ATM: variants seen among roughly 807,000 people sequenced by gnomAD.
ATM encodes the protein serine-protein kinase ATM.
A neutral mutation model predicts 387.0 loss-of-function variants in ATM; 308 were observed. That is an observed-to-expected ratio of 0.80 (90% CI 0.73 to 0.87). The LOEUF (loss-of-function observed/expected upper bound fraction) is 0.87, where lower values mean the gene tolerates loss of function less well. Among genes scored for constraint, ATM ranks in the 40% least tolerant of loss-of-function variants. The pLI, the probability that ATM is intolerant of heterozygous loss-of-function variation, is 0.00. For missense variants in ATM, 3,312 were observed against 3,560.9 expected (o/e 0.93, Z 1.78); for synonymous variants, 1,156 against 1,187.3 (o/e 0.97, Z 0.54).
chr11:108,360,614 C>T (rs1453377606), intron 61 of ATM, among the ~76,000 whole-genome samples: 1 of 149,860 alleles, frequency 6.7e-6, no homozygotes, highest in African/African-American at 2.5e-5. Flanking sequence ...CAGTGGGCTT[C>T]ATCCCTGGGA....
At chr11:108,346,313 A>C (rs2088386541) in intron 58 of ATM, among the ~76,000 whole-genome samples, 1 of 152,040 alleles carries the variant, frequency 6.6e-6, no homozygotes. Flanking sequence ...TCACCTAGTG[A>C]TTAATACTTT....
Position 108,250,883 on chromosome 11 carries a change from A to C in ATM, c.1418A>C (p.Glu473Ala). 6.2e-7 allele frequency: 1 copy of C among 1,614,164 alleles called. No individual in the cohort carries two copies. Among genetic ancestry groups the C allele is most frequent in the East Asian group, 2.2e-5 (1 of 44,884 alleles). Reference sequence around the variant, plus strand: ...TGTCAAGACAAGAGGTCAAACCTAGAAAGCTCACAAAAGTCAGATTTATTA... The same window carrying C: ...TGTCAAGACAAGAGGTCAAACCTAGCAAGCTCACAAAAGTCAGATTTATTA... ...ALCQDKRSNL[E>A]SSQKSDLLKL... The change falls in exon 10 of 63, where the codon GAA becomes GCA. Residue 473 changes from glutamate to alanine, a missense_variant. Physicochemically the swap from Glu to Ala is moderately radical, Grantham distance 107. Transcript: ENST00000675843.
chr11:108,237,133 T>C (rs1156398014), intron 5 of ATM, among the ~76,000 whole-genome samples: 2 of 152,220 alleles, frequency 1.3e-5, no homozygotes, highest in East Asian at 3.8e-4. Context: ...CATTACACTC[T>C]ACTGTTCCCC....
Position 108,279,541 on chromosome 11 carries a change from C to T in ATM, c.3335C>T (p.Pro1112Leu), listed in dbSNP as rs1064795850. ...TCTTCCAGGTTACTGAAAGCACTTCCTTTGAAGCTTCAGCAAACAGCTTTT... is the reference window on the plus strand; with the variant it reads ...TCTTCCAGGTTACTGAAAGCACTTCTTTTGAAGCTTCAGCAAACAGCTTTT... ...GDSSRLLKAL[P>L]LKLQQTAFEN... Residue 1112 changes from proline to leucine, a missense_variant, in exon 23 of 63, where the codon CCT (proline) becomes CTT (leucine). Pro to Leu is a moderately conservative substitution (Grantham distance 98). Transcript: ENST00000675843. 1 of 1,613,772 alleles carries T rather than the reference C, an allele frequency of 6.2e-7. No homozygotes were observed. Among genetic ancestry groups the T allele is most frequent in the Non-Finnish European group, 8.5e-7 (1 of 1,179,838 alleles).
rs140882609 is a variant in ATM, at chr11:108,252,869, A to C, written c.1855A>C (p.Asn619His). The C allele has an allele frequency of 4.0e-5, 65 of 1,613,008 alleles. No homozygotes were observed. Among genetic ancestry groups the C allele is most frequent in the Non-Finnish European group, 5.3e-5 (63 of 1,179,436 alleles). Residue 619 changes from asparagine to histidine, a missense_variant, in exon 12 of 63, where the codon AAC (asparagine) becomes CAC (histidine). Physicochemically the swap from Asn to His is moderately conservative, Grantham distance 68. Transcript: ENST00000675843. ...EKILVSLTMKNCKAAMNFFQS... is the reference protein window; with the variant it reads ...EKILVSLTMKHCKAAMNFFQS... The stretch of plus-strand genomic sequence containing the variant: ...AATTCTTGTGAGTCTCACTATGAAA[A>C]ACTGTAAAGCTGCAATGAATTTTTT...
In ATM at chr11:108,251,986, A is replaced by T. The variant is rs587781907; in HGVS notation, c.1757A>T (p.Glu586Val). The T allele has an allele frequency of 1.2e-6, 2 of 1,613,566 alleles. No homozygotes were observed. Among genetic ancestry groups the T allele is most frequent in the Admixed American group, 1.7e-5 (1 of 60,016 alleles). ...AAATGGCTCTTATTCTATCAGTTAG[A>T]GGGTGACTTAGAAAATAGCACAGAA... is the stretch of plus-strand genomic sequence containing the variant. ...IMKWLLFYQL[E>V]GDLENSTEVP... The change falls in exon 11 of 63, where the codon GAG (glutamate) becomes GTG (valine). Residue 586 changes from glutamate to valine, a missense_variant. Glu to Val is a moderately radical substitution (Grantham distance 121, BLOSUM62 -2). Coordinates refer to ENST00000675843, the MANE Select transcript of ATM (RefSeq NM_000051.4).
intron 42 of ATM, 92 bp downstream of exon 42, chr11:108,316,205 C>A: frequency 1.7e-6 from 2 of 1,180,934 alleles, no homozygotes; most frequent in Non-Finnish European, 2.5e-6. Flanking sequence ...GCCAGATAAA[C>A]TCTAGAGATA....
At chr11:108,253,632 A>G (rs1208110121) in intron 12 of ATM, among the ~76,000 whole-genome samples, 182 bp from the exon 13 acceptor site, 1 of 152,134 alleles carries the variant, frequency 6.6e-6, no homozygotes, top group Non-Finnish European at 1.5e-5. Context: ...GACATTTGAT[A>G]TAAGTAGGTC....
At chr11:108,247,786 G>A (rs1020112092) in intron 8 of ATM, among the ~76,000 whole-genome samples, 3 of 151,568 alleles carry the variant, frequency 2.0e-5, no homozygotes, top group African/African-American at 7.3e-5. Context: ...AGTAGAGACT[G>A]GGTTTCACCA....
intron 1 of ATM, chr11:108,224,911 A>G (rs993980240): frequency 6.6e-6 from 1 of 152,174 alleles, no homozygotes; most frequent in African/African-American, 2.4e-5. Flanking sequence ...TTGTCTAGCT[A>G]TAAGTAGTAA....
At position 108,235,756 on chromosome 11, in the gene ATM, G is replaced by C. The variant is rs55633650; in HGVS notation, c.418G>C (p.Asp140His). Residue 140 changes from aspartate to histidine, a missense_variant, in exon 5 of 63, where the codon GAT becomes CAT. Physicochemically the swap from Asp to His is moderately conservative, Grantham distance 81. Coordinates refer to ENST00000675843, the MANE Select transcript of ATM (RefSeq NM_000051.4). The stretch of plus-strand genomic sequence containing the variant: ...ATCTAATGGTGCTATTTACGGAGCT[G>C]ATTGTAGCAACATACTACTCAAAGA... Reference protein sequence around the residue: ...DSSNGAIYGADCSNILLKDIL... With the variant: ...DSSNGAIYGAHCSNILLKDIL... 2 of 1,613,500 alleles carry C rather than the reference G, an allele frequency of 1.2e-6. No homozygotes were observed. Among genetic ancestry groups the C allele is most frequent in the Non-Finnish European group, 1.7e-6 (2 of 1,179,544 alleles).
At chr11:108,257,414 A>G (rs982112419) in intron 14 of ATM, 67 bp from the exon 15 acceptor site, 3 of 1,571,874 alleles carry the variant, frequency 1.9e-6, no homozygotes, top group Non-Finnish European at 2.6e-6. Context: ...ATCAAAGTAC[A>G]CTGTAAAAAG....
rs574435012 is a variant in ATM at position 108,223,088 on chromosome 11, A to C, written c.-129A>C. The C allele has an allele frequency of 3.5e-4, 63 of 180,764 alleles. No homozygotes were observed. The highest frequency in any genetic ancestry group is 7.2e-4 in the Non-Finnish European group (60 of 83,650). The allele number at this position is 180,764 out of a possible 1,614,324, so 11.2% of individuals were successfully genotyped here. ...GAGTAGGTAGCTGCGTGGCTAACGG[A>C]GAAAAGAAGCCGTGGCCGCGGGAGG... On this transcript the variant is annotated 5_prime_UTR_variant, in exon 1 of 63. Transcript: ENST00000675843.
At position 108,316,004 on chromosome 11, in the gene ATM, C is replaced by T. The variant is rs1173338615; in HGVS notation, c.6096-7C>T. On this transcript the variant is annotated splice_region_variant and splice_polypyrimidine_tract_variant and intron_variant, in intron 41 of 62. Coordinates refer to ENST00000675843, the MANE Select transcript of ATM (RefSeq NM_000051.4). ...CCCAAAGCTATTTTCACAATCTTTT[C>T]TTATAGACTACGAACATATGAACAC... 1 of 1,613,666 alleles carries T rather than the reference C, an allele frequency of 6.2e-7. No homozygotes were observed. Among genetic ancestry groups the T allele is most frequent in the African/African-American group, 1.3e-5 (1 of 74,904 alleles).
chr11:108,325,528 C>A lies in ATM; in HGVS notation c.6791C>A (p.Thr2264Asn). 1.2e-6 allele frequency: 2 copies of A among 1,604,918 alleles called. No homozygotes were observed. Among genetic ancestry groups the A allele is most frequent in the South Asian group, 2.2e-5 (2 of 90,932 alleles). The change falls in exon 46 of 63, where the codon ACT becomes AAT. Residue 2264 changes from threonine to asparagine, a missense_variant. Transcript: ENST00000675843. ...HLVELSILAR[T>N]FKNTQLPERA... is the part of the protein sequence containing the mutation. ...GTAGAACTCTCTATACTGGCCAGAACTTTCAAGAACACTCAGGTAAATACA... is the reference window on the plus strand; with the variant it reads ...GTAGAACTCTCTATACTGGCCAGAAATTTCAAGAACACTCAGGTAAATACA...
chr11:108,261,003 G>A lies in ATM; in HGVS notation c.2466+1928G>A, dbSNP rs967399320. On this transcript the variant is annotated intron_variant, in intron 16 of 62. Coordinates refer to ENST00000675843, the MANE Select transcript of ATM (RefSeq NM_000051.4). ...GAGGGTCCTACGCCCACGGAGTCTCGCTGATTGCTAGCACAGCAGTCTGAG... is the reference window on the plus strand; with the variant it reads ...GAGGGTCCTACGCCCACGGAGTCTCACTGATTGCTAGCACAGCAGTCTGAG... Among the ~76,000 whole-genome samples the A allele has an allele frequency of 4.0e-5, 6 of 150,530 alleles. No individual in the cohort carries two copies. The South Asian group carries it at 8.5e-4, about 21-fold the overall frequency.
At chr11:108,277,628 G>A (rs1354621774) in intron 22 of ATM, among the ~76,000 whole-genome samples, 1 of 152,140 alleles carries the variant, frequency 6.6e-6, no homozygotes, top group Non-Finnish European at 1.5e-5. Context: ...CCCTTGGCTA[G>A]GGGAGGGAGT....
intron 32 of ATM, among the ~76,000 whole-genome samples, chr11:108,296,440 C>T (rs1029365264): frequency 2.6e-5 from 4 of 151,788 alleles, no homozygotes; most frequent in African/African-American, 7.3e-5. Flanking sequence ...TTAGTAGAGA[C>T]GGGGTTTCAC....
At chr11:108,241,564 C>T (rs1048865787) in intron 5 of ATM, among the ~76,000 whole-genome samples, 16 of 152,020 alleles carry the variant, frequency 1.1e-4, no homozygotes, top group East Asian at 3.9e-4. Context: ...TACAATCTTA[C>T]GGTACCACCT....
Sources: allele counts gnomAD v4.1 joint callset (sites outside exome capture counted in the v4.1 genomes callset), GRCh38; gene constraint gnomAD v4.1.1; transcripts MANE v1.5; gene names NCBI Gene and HGNC (gene_info 2026-07-23, HGNC 2026-07-21).